Variants in RORA observed in about 807,000 individuals in gnomAD.
The protein encoded by RORA is RAR related orphan receptor A.
RORA carries 7 observed loss-of-function variants against 69.5 expected under a neutral mutation model. The observed-to-expected ratio is 0.10, with a 90% CI of 0.06 to 0.19. RORA has a LOEUF of 0.19. Ranked by LOEUF, RORA falls within the 10% of genes least tolerant of loss-of-function variation. RORA has a pLI of 1.00. For missense variants in RORA, 457 were observed against 663.0 expected (o/e 0.69, Z 3.41); for synonymous variants, 261 against 240.8 (o/e 1.08, Z -0.78).
At chr15:61,073,701 C>T (rs2078404557) in intron 1 of RORA, among the ~76,000 whole-genome samples, 1 of 152,202 alleles carries the variant, frequency 6.6e-6, no homozygotes, top group Non-Finnish European at 1.5e-5. Flanking sequence ...CTTGCCTTCC[C>T]AAGCTACTTC....
chr15:61,148,384 C>G (rs1284203221), intron 1 of RORA, among the ~76,000 whole-genome samples: 2 of 152,150 alleles, frequency 1.3e-5, no homozygotes, highest in African/African-American at 4.8e-5. Flanking sequence ...GGAATTCTGC[C>G]TGTAGTTTCA....
In RORA at chr15:60,844,978, G is replaced by A. The variant is rs542762478; in HGVS notation, c.167-166292C>T. 9.2e-5 allele frequency among the ~76,000 whole-genome samples: 14 copies of A among 152,272 alleles called. No homozygotes were observed. The South Asian group carries it at 1.9e-3, about 20-fold the overall frequency. ...CCTGGTAGGCATCAGTTGTATAAGTGAAGGAAACCAAACCCACCCTTGTTT... is the reference window on the plus strand; with the variant it reads ...CCTGGTAGGCATCAGTTGTATAAGTAAAGGAAACCAAACCCACCCTTGTTT... On this transcript the variant is annotated intron_variant, in intron 1 of 10. Transcript: ENST00000335670.
intron 1 of RORA, among the ~76,000 whole-genome samples, chr15:60,826,240 A>C (rs2072954385): frequency 6.6e-6 from 1 of 152,234 alleles, no homozygotes; most frequent in African/African-American, 2.4e-5. Flanking sequence ...TTCTTTTAGA[A>C]GGAAGGAAAG....
At chr15:61,098,095 T>TCCTCCTTC (rs2078818439) in intron 1 of RORA, among the ~76,000 whole-genome samples, 1 of 135,674 alleles carries the variant, frequency 7.4e-6, no homozygotes, top group Non-Finnish European at 1.6e-5. Context: ...TCCCCCTCCT[T>TCCTCCTTC]CCTCCTTCCC....
chr15:61,084,603 A>G (rs2140675103), intron 1 of RORA, among the ~76,000 whole-genome samples: 1 of 152,266 alleles, frequency 6.6e-6, no homozygotes, highest in Middle Eastern at 3.4e-3. Context: ...TTCTATTGCC[A>G]GTTTGAGTTC....
At chr15:60,589,778 C>T (rs1308636225) in intron 2 of RORA, among the ~76,000 whole-genome samples, 1 of 152,116 alleles carries the variant, frequency 6.6e-6, no homozygotes, top group East Asian at 1.9e-4. Flanking sequence ...GTTTAAAAAA[C>T]ATCAGTAAAT....
At chr15:61,077,784 G>A (rs2078474941) in intron 1 of RORA, among the ~76,000 whole-genome samples, 1 of 152,152 alleles carries the variant, frequency 6.6e-6, no homozygotes, top group Non-Finnish European at 1.5e-5. Context: ...CCATCCAGAA[G>A]CATCTCTTCT....
chr15:60,987,335 C>T (rs7178442), intron 1 of RORA, among the ~76,000 whole-genome samples: 33,320 of 151,976 alleles, frequency 0.22, 3,878 homozygotes, highest in African/African-American at 0.28. Context: ...TCCAGATTAT[C>T]CAAGTCTGCT....
At chr15:60,547,367 A>T (rs1474032518) in intron 2 of RORA, among the ~76,000 whole-genome samples, 1 of 146,340 alleles carries the variant, frequency 6.8e-6, no homozygotes, top group African/African-American at 2.5e-5. Context: ...TCTGTCACCC[A>T]GGCTGGAGTG....
intron 1 of RORA, among the ~76,000 whole-genome samples, chr15:61,106,994 C>T (rs2078956790): frequency 6.6e-6 from 1 of 152,146 alleles, no homozygotes; most frequent in Admixed American, 6.6e-5. Context: ...GGAATCCTTC[C>T]TCTCCTCCTA....
chr15:60,831,787 C>A (rs1215648392), intron 1 of RORA, among the ~76,000 whole-genome samples: 1 of 152,170 alleles, frequency 6.6e-6, no homozygotes, highest in Non-Finnish European at 1.5e-5. Context: ...TGGTATGTTG[C>A]AATCAATTCT....
At chr15:60,884,202 AAGAGAGAG>A (rs570842239) in intron 1 of RORA, among the ~76,000 whole-genome samples, 1 of 150,906 alleles carries the variant, frequency 6.6e-6, no homozygotes, top group Admixed American at 6.6e-5. Context: ...CAAAGAGAGA[AAGAGAGAG>A]AGAGAGAGAA....
chr15:61,125,516 C>CA (rs2079135824), intron 1 of RORA, among the ~76,000 whole-genome samples: 1 of 152,220 alleles, frequency 6.6e-6, no homozygotes, highest in African/African-American at 2.4e-5. Context: ...TTCAGTTATA[C>CA]AGTATATCAG....
Position 60,982,787 on chromosome 15 carries a change from A to T in RORA, c.166+246266T>A, listed in dbSNP as rs183662921. Among the ~76,000 whole-genome samples, 7 of 152,294 alleles carry T rather than the reference A, an allele frequency of 4.6e-5. No individual in the cohort carries two copies. The East Asian group carries it at 1.2e-3, about 25-fold the overall frequency. ...AATAAATGCTTCCCAGAGTACTTCA[A>T]GTATTTGGTTACATTCCAGAGTTCT... On this transcript the variant is annotated intron_variant, in intron 1 of 10. Transcript: ENST00000335670.
chr15:61,155,703 G>GA (rs962381939), intron 1 of RORA, among the ~76,000 whole-genome samples: 4 of 151,702 alleles, frequency 2.6e-5, no homozygotes, highest in African/African-American at 7.3e-5. Context: ...GCTGTGAGGG[G>GA]AAAAAAAATA....
intron 1 of RORA, among the ~76,000 whole-genome samples, chr15:60,869,367 C>T (rs1256047600): frequency 2.6e-5 from 4 of 152,162 alleles, no homozygotes; most frequent in Non-Finnish European, 5.9e-5. Context: ...GAGGTTGGGA[C>T]TATAGGTGTC....
At chr15:60,885,018 GC>G (rs1381656451) in intron 1 of RORA, among the ~76,000 whole-genome samples, 4 of 152,290 alleles carry the variant, frequency 2.6e-5, no homozygotes, top group African/African-American at 9.6e-5. Context: ...TTTAAAAGCA[GC>G]CTTTTCATTT....
At chr15:60,757,070 T>C (rs115025490) in intron 1 of RORA, among the ~76,000 whole-genome samples, 4,162 of 152,316 alleles carry the variant, frequency 0.027, 196 homozygotes, top group African/African-American at 0.096. Flanking sequence ...TTGCATTACA[T>C]GCAAAACCAT....
intron 1 of RORA, among the ~76,000 whole-genome samples, chr15:60,982,466 A>C (rs1894073734): frequency 6.6e-6 from 1 of 152,210 alleles, no homozygotes. Flanking sequence ...GTAGAGAAGA[A>C]TGTTTAGACC....
Sources: gnomAD v4.1 joint callset for allele counts (sites outside exome capture counted in the v4.1 genomes callset) on GRCh38, gnomAD v4.1.1 for gene constraint, MANE v1.5 for transcripts, NCBI Gene and HGNC (gene_info 2026-07-23, HGNC 2026-07-21) for gene names.